The following ANK2 variants were observed in gnomAD, a reference collection of about 807,000 sequenced individuals.
ANK2 encodes the protein ankyrin-2.
A neutral mutation model predicts 360.5 loss-of-function variants in ANK2; 83 were observed. The ratio of observed to expected loss-of-function variants is 0.23; its 90% CI spans 0.19 to 0.28. The LOEUF is 0.28. ANK2 is among the 10% of genes least tolerant of loss of function. ANK2 has a pLI of 1.00. For synonymous variants in ANK2, 1,740 were observed against 1,759.5 expected (o/e 0.99, Z 0.28); for missense variants, 4,201 against 4,795.7 (o/e 0.88, Z 3.66).
At chr4:112,847,235 T>G (rs1278621138) in intron 1 of ANK2, among the ~76,000 whole-genome samples, 2 of 152,206 alleles carry the variant, frequency 1.3e-5, no homozygotes. Flanking sequence ...CTGTGGATAC[T>G]GCAAACTCAG....
At chr4:112,950,333 C>T (rs55893067) in intron 2 of ANK2, among the ~76,000 whole-genome samples, 2,626 of 152,238 alleles carry the variant, frequency 0.017, 25 homozygotes, top group Middle Eastern at 0.034. Flanking sequence ...ACAGTATTTT[C>T]CTATTGTATT....
chr4:112,780,289 C>A, the ANK2 span, among the ~76,000 whole-genome samples: 1 of 152,036 alleles, frequency 6.6e-6, no homozygotes, highest in African/African-American at 2.4e-5. Flanking sequence ...CATCTCCAGT[C>A]AAGGGCAATG....
At chr4:112,975,532 T>G (rs1228779134) in intron 2 of ANK2, among the ~76,000 whole-genome samples, 1 of 152,212 alleles carries the variant, frequency 6.6e-6, no homozygotes, top group Non-Finnish European at 1.5e-5. Context: ...TGGGTTTAAT[T>G]AAACTGAAGG....
chr4:112,772,137 C>T, the ANK2 span, among the ~76,000 whole-genome samples: 9 of 152,196 alleles, frequency 5.9e-5, no homozygotes, highest in African/African-American at 1.7e-4. Context: ...AAGACATACC[C>T]GAGACTGGGT....
chr4:112,717,295 T>G, the ANK2 span, among the ~76,000 whole-genome samples: 1 of 152,184 alleles, frequency 6.6e-6, no homozygotes, highest in Non-Finnish European at 1.5e-5. Context: ...TGACCTTTTT[T>G]TTCTGATTGT....
Position 113,332,048 on chromosome 4 carries a change from C to A in ANK2, c.3202C>A (p.Pro1068Thr). The A allele has an allele frequency of 6.2e-7, 1 of 1,614,052 alleles. No homozygotes were observed. The highest frequency in any genetic ancestry group is 8.5e-7 in the Non-Finnish European group (1 of 1,179,932). ...SLVSRILQLGPPGTKFLGPVI... is the reference protein window; with the variant it reads ...SLVSRILQLGTPGTKFLGPVI... ...GGTCAGCCGCATTCTTCAGCTGGGG[C>A]CTCCTGGAACCAAATTCCTTGGGTA... The change falls in exon 28 of 46, where the codon CCT becomes ACT. Residue 1068 changes from proline to threonine, a missense_variant. Physicochemically the swap from Pro to Thr is conservative, Grantham distance 38. This residue lies in a region of ANK2 where 1,268 missense variants were observed against 1,650.8 expected (regional missense o/e 0.77). Transcript: ENST00000357077.
At chr4:113,283,209 C>G (rs1198879307) in intron 18 of ANK2, among the ~76,000 whole-genome samples, 1 of 152,168 alleles carries the variant, frequency 6.6e-6, no homozygotes, top group Non-Finnish European at 1.5e-5. Flanking sequence ...TATAATTGCT[C>G]CAGTGTCTGC....
chr4:113,364,854 C>T (rs1463071643), intron 40 of ANK2, among the ~76,000 whole-genome samples, 185 bp from the exon 41 acceptor site: 5 of 152,158 alleles, frequency 3.3e-5, no homozygotes, highest in Non-Finnish European at 5.9e-5. Context: ...GGCTTTTGCC[C>T]ATGCTGTACC....
At chr4:112,892,835 A>T (rs540089046) in intron 1 of ANK2, among the ~76,000 whole-genome samples, 76 of 152,278 alleles carry the variant, frequency 5.0e-4, no homozygotes, top group Non-Finnish European at 8.1e-4. Flanking sequence ...AGGATATGGG[A>T]TATTAGTTTG....
chr4:113,100,305 T>C (rs2092614755), intron 1 of ANK2, among the ~76,000 whole-genome samples: 1 of 152,078 alleles, frequency 6.6e-6, no homozygotes. Flanking sequence ...AGTTTACACA[T>C]GTGTAAGTGA....
At chr4:113,296,675 T>C (rs2071639378) in intron 22 of ANK2, among the ~76,000 whole-genome samples, 1 of 152,226 alleles carries the variant, frequency 6.6e-6, no homozygotes, top group African/African-American at 2.4e-5. Flanking sequence ...CTTTGTGAGA[T>C]ACAGCAGGGA....
At chr4:112,828,719 CTA>C (rs1369273429) in intron 1 of ANK2, among the ~76,000 whole-genome samples, 3 of 152,196 alleles carry the variant, frequency 2.0e-5, no homozygotes, top group Non-Finnish European at 4.4e-5. Context: ...GCCAAGGAAA[CTA>C]TTAACAGAGT....
chr4:113,032,922 G>A (rs1214978931), intron 2 of ANK2, among the ~76,000 whole-genome samples: 6 of 151,968 alleles, frequency 3.9e-5, no homozygotes, highest in African/African-American at 1.4e-4. Context: ...AGAGAAATCC[G>A]ATTTTGGAGT....
the ANK2 span, among the ~76,000 whole-genome samples, chr4:112,727,881 G>A: frequency 6.6e-6 from 1 of 152,218 alleles, no homozygotes; most frequent in African/African-American, 2.4e-5. Flanking sequence ...TCAGGAGGCT[G>A]AGGCAGAATT....
rs1398501219 is a variant in ANK2, at chr4:113,247,344, C to A, written c.892-2420C>A. On this transcript the variant is annotated intron_variant, in intron 9 of 45. Transcript: ENST00000357077. ...TTGCAGAAAATATTCAAAATCTAAT[C>A]AAATTGAGCCTGTTGGGTAACTTGA... Among the ~76,000 whole-genome samples the A allele has an allele frequency of 2.6e-5, 4 of 152,108 alleles. No individual in the cohort carries two copies. The East Asian group carries it at 7.7e-4, about 29-fold the overall frequency.
chr4:112,713,886 A>C, the ANK2 span, among the ~76,000 whole-genome samples: 1 of 149,940 alleles, frequency 6.7e-6, no homozygotes, highest in Non-Finnish European at 1.5e-5. Flanking sequence ...GTGAGCCAAG[A>C]TCTCGCCACT....
At chr4:113,213,934 C>T (rs999516052) in intron 4 of ANK2, 5 of 620,322 alleles carry the variant, frequency 8.1e-6, no homozygotes, top group African/African-American at 1.9e-5. Flanking sequence ...GAAAAAGAAA[C>T]GACAAAATGC....
intron 2 of ANK2, among the ~76,000 whole-genome samples, chr4:112,930,929 A>T (rs1213498451): frequency 6.6e-6 from 1 of 152,042 alleles, no homozygotes; most frequent in Non-Finnish European, 1.5e-5. Context: ...TGAAAGGACA[A>T]CAGACAAATA....
chr4:112,914,669 C>T (rs1364155561), intron 2 of ANK2, among the ~76,000 whole-genome samples: 1 of 152,118 alleles, frequency 6.6e-6, no homozygotes, highest in Non-Finnish European at 1.5e-5. Flanking sequence ...TATTTGCTTA[C>T]TTTTCTTTCT....
Sources: allele counts gnomAD v4.1 joint callset (sites outside exome capture counted in the v4.1 genomes callset), GRCh38; gene constraint gnomAD v4.1.1; regional missense constraint gnomAD v4.1.1; transcripts MANE v1.5; gene names NCBI Gene and HGNC (gene_info 2026-07-23, HGNC 2026-07-21).